DMD: variants seen among roughly 807,000 people sequenced by gnomAD.
DMD encodes mutant dystrophin.
Under a neutral mutation model 330.1 loss-of-function variants are expected in DMD, and 63 were observed. That is an observed-to-expected ratio of 0.19 (90% confidence interval 0.16 to 0.24). DMD has a LOEUF of 0.24. Among genes scored for constraint, DMD ranks in the 10% least tolerant of loss-of-function variants. The pLI is 1.00. For missense variants in DMD, 3,344 were observed against 2,684.1 expected (o/e 1.25, Z -5.43); for synonymous variants, 1,223 against 959.8 (o/e 1.27, Z -5.07).
intron 43 of DMD, among the ~76,000 whole-genome samples, chrX:32,230,578 T>C (rs1023173354): frequency 1.8e-5 from 2 of 112,147 alleles, no homozygotes; most frequent in African/African-American, 6.5e-5. Context: ...CAAAGTATCA[T>C]CTTTTAGTAT....
At chrX:31,339,244 A>C (rs2057589717) in intron 61 of DMD, among the ~76,000 whole-genome samples, 1 of 111,743 alleles carries the variant, frequency 8.9e-6, no homozygotes, top group South Asian at 3.8e-4. Flanking sequence ...AATAAATCTG[A>C]GAGCTTATTG....
chrX:31,985,021 C>G (rs985649823), intron 44 of DMD, among the ~76,000 whole-genome samples: 1 of 111,348 alleles, frequency 9.0e-6, no homozygotes, highest in African/African-American at 3.3e-5. Context: ...AATTTCATTC[C>G]CAAGTATTTA....
intron 4 of DMD, among the ~76,000 whole-genome samples, chrX:32,824,875 G>C (rs779756674): frequency 2.7e-5 from 3 of 111,412 alleles, no homozygotes; most frequent in African/African-American, 9.8e-5. Flanking sequence ...TACATCGAAG[G>C]GGAGATTGAT....
At chrX:33,233,195 A>C (rs765862583) in intron 1 of DMD, among the ~76,000 whole-genome samples, 7 of 112,169 alleles carry the variant, frequency 6.2e-5, no homozygotes, top group Admixed American at 5.7e-4. Context: ...AATACAAACA[A>C]ATATTAATTG....
chrX:31,568,734 T>A (rs2075600612), intron 55 of DMD, among the ~76,000 whole-genome samples: 1 of 111,835 alleles, frequency 8.9e-6, no homozygotes, highest in Non-Finnish European at 1.9e-5. Context: ...TTAATTGGTA[T>A]ATTTAGACCA....
intron 42 of DMD, among the ~76,000 whole-genome samples, chrX:32,303,893 A>G (rs889058483): frequency 4.5e-5 from 5 of 110,754 alleles, no homozygotes; most frequent in African/African-American, 1.6e-4. Flanking sequence ...CGAATTGGGA[A>G]CTGTGTTCAA....
intron 1 of DMD, among the ~76,000 whole-genome samples, chrX:33,029,264 T>G (rs1238219442): frequency 1.8e-5 from 2 of 112,036 alleles, no homozygotes; most frequent in Non-Finnish European, 3.8e-5. Context: ...GCCTTGGAAC[T>G]GAAATATTGC....
chrX:31,994,974 T>A, intron 44 of DMD, among the ~76,000 whole-genome samples: 1 of 111,887 alleles, frequency 8.9e-6, no homozygotes. Flanking sequence ...GTCATGGATA[T>A]TTCTTCAAAG....
chrX:33,120,655 C>T (rs5971686), intron 1 of DMD, among the ~76,000 whole-genome samples: 31,325 of 109,131 alleles, frequency 0.29, 3,843 homozygotes, highest in East Asian at 0.87. Context: ...CCGAGGCAGG[C>T]GGATCACCTG....
chrX:32,477,470 G>A (rs1393244585), intron 21 of DMD, among the ~76,000 whole-genome samples: 3 of 110,352 alleles, frequency 2.7e-5, no homozygotes, highest in South Asian at 3.8e-4. Context: ...AAAAGAGGGA[G>A]GGGCTAAAGG....
chrX:32,809,435 G>T, intron 7 of DMD, 58 bp downstream of exon 7: 1 of 982,085 alleles, frequency 1.0e-6, no homozygotes, highest in Non-Finnish European at 1.5e-6. Context: ...ACAAGTCTCA[G>T]ATGAAAACAT....
intron 7 of DMD, among the ~76,000 whole-genome samples, chrX:32,783,782 A>C (rs921593065): frequency 4.5e-5 from 5 of 111,388 alleles, no homozygotes; most frequent in African/African-American, 1.3e-4. Context: ...CACAGATTTT[A>C]GTATCTGGAG....
At chrX:32,783,597 T>C (rs2075087299) in intron 7 of DMD, among the ~76,000 whole-genome samples, 1 of 110,304 alleles carries the variant, frequency 9.1e-6, no homozygotes, top group African/African-American at 3.3e-5. Context: ...CAAAAATGCA[T>C]GTGTAACCCT....
intron 52 of DMD, among the ~76,000 whole-genome samples, chrX:31,693,021 T>C (rs777562298): frequency 8.9e-6 from 1 of 111,778 alleles, no homozygotes; most frequent in African/African-American, 3.2e-5. Context: ...ATGCAAAAAT[T>C]CTCAATGAAA....
At chrX:31,404,588 A>G (rs1471457003) in intron 60 of DMD, among the ~76,000 whole-genome samples, 1 of 112,312 alleles carries the variant, frequency 8.9e-6, no homozygotes, top group African/African-American at 3.2e-5. Context: ...AAGAATTATA[A>G]AATTGCATTT....
At chrX:33,122,186 G>A (rs2095429540) in intron 1 of DMD, among the ~76,000 whole-genome samples, 1 of 112,131 alleles carries the variant, frequency 8.9e-6, no homozygotes, top group African/African-American at 3.2e-5. Flanking sequence ...GATTGCACCA[G>A]TGAGCTCCAG....
intron 44 of DMD, among the ~76,000 whole-genome samples, chrX:32,017,856 T>C: frequency 8.9e-6 from 1 of 112,019 alleles, no homozygotes; most frequent in East Asian, 2.8e-4. Flanking sequence ...TGGATGGCTT[T>C]GCAAACTGTT....
At chrX:33,292,580 C>CA (rs1315016691) in intron 1 of DMD, among the ~76,000 whole-genome samples, 1 of 108,600 alleles carries the variant, frequency 9.2e-6, no homozygotes, top group Admixed American at 9.9e-5. Context: ...AGAAAATCTA[C>CA]AAAAAAATAG....
At chrX:33,079,446 CAT>C (rs2094893756) in intron 1 of DMD, among the ~76,000 whole-genome samples, 1 of 111,769 alleles carries the variant, frequency 8.9e-6, no homozygotes, top group Non-Finnish European at 1.9e-5. Flanking sequence ...AGCCATTTAA[CAT>C]AATTACAATT....
Sources: gnomAD v4.1 joint callset for allele counts (sites outside exome capture counted in the v4.1 genomes callset) on GRCh38, gnomAD v4.1.1 for gene constraint, MANE v1.5 for transcripts, NCBI Gene and HGNC (gene_info 2026-07-23, HGNC 2026-07-21) for gene names.